Variants in HNRNPL observed in about 807,000 individuals in gnomAD.
HNRNPL encodes the protein heterogeneous nuclear ribonucleoprotein L.
HNRNPL carries 12 observed loss-of-function variants against 64.0 expected under a neutral mutation model. The ratio of observed to expected loss-of-function variants is 0.19; its 90% confidence interval spans 0.12 to 0.30. The LOEUF (loss-of-function observed/expected upper bound fraction) is 0.30, where lower values mean the gene tolerates loss of function less well. Ranked by LOEUF, HNRNPL falls within the 10% of genes least tolerant of loss-of-function variation. HNRNPL has a pLI of 1.00. For missense variants in HNRNPL, 484 were observed against 797.4 expected, an observed-to-expected ratio of 0.61 and a Z score of 4.73; for synonymous variants, 385 against 313.0, an observed-to-expected ratio of 1.23 and a Z score of -2.43.
Position 38,836,690 on chromosome 19 carries a change from C to T in HNRNPL, c.*32G>A. Reference sequence around the variant, plus strand: ...GCATAAAGGAAAGAGAAATGTCTTCCTGCTCAGATGGGACTCTTCCTAGGC... The same window carrying T: ...GCATAAAGGAAAGAGAAATGTCTTCTTGCTCAGATGGGACTCTTCCTAGGC... On this transcript the variant is annotated 3_prime_UTR_variant, in exon 13 of 13. Coordinates refer to ENST00000221419, the MANE Select transcript of HNRNPL (RefSeq NM_001533.3). 6.8e-7 allele frequency: 1 copy of T among 1,480,050 alleles called. No homozygotes were observed. Among genetic ancestry groups the T allele is most frequent in the Non-Finnish European group, 9.2e-7 (1 of 1,081,662 alleles). The allele number at this position is 1,480,050 out of a possible 1,614,324, so 91.7% of individuals were successfully genotyped here. A position where few individuals can be genotyped will look rare whatever the true frequency, so the allele number is the denominator to read the frequency against.
At chr19:38,838,806 C>CG (rs1568367371) in intron 9 of HNRNPL, 88 bp downstream of exon 9, 1 of 1,545,014 alleles carries the variant, frequency 6.5e-7, no homozygotes, top group African/African-American at 1.4e-5. Flanking sequence ...GTCAACACCT[C>CG]GGCCTCACTG....
At position 38,840,468 on chromosome 19, in the gene HNRNPL, G is replaced by A. The variant is rs774659308; in HGVS notation, c.952+20C>T. 1.1e-5 allele frequency: 17 copies of A among 1,580,892 alleles called. No homozygotes were observed. The highest frequency in any genetic ancestry group is 1.9e-5 in the Admixed American group (1 of 51,570). On this transcript the variant is annotated intron_variant, in intron 7 of 12. Coordinates refer to ENST00000221419, the MANE Select transcript of HNRNPL (RefSeq NM_001533.3). ...CACATGAGCCACGGGAGTCCACGGAGGGGAACCCCCTGCCCTCACCATATT... is the reference window on the plus strand; with the variant it reads ...CACATGAGCCACGGGAGTCCACGGAAGGGAACCCCCTGCCCTCACCATATT...
chr19:38,849,601 C>T (rs1036155396), intron 1 of HNRNPL, 99 bp downstream of exon 1: 4 of 1,277,432 alleles, frequency 3.1e-6, no homozygotes, highest in African/African-American at 1.5e-5. Flanking sequence ...ATGGCCTGGG[C>T]GCGTGCGCAG....
At chr19:38,843,775 T>G (rs1000523865) in intron 6 of HNRNPL, 67 bp downstream of exon 6, 2 of 1,323,778 alleles carry the variant, frequency 1.5e-6, no homozygotes, top group Non-Finnish European at 2.2e-6. Context: ...AGCCCAGGCC[T>G]ATTAAGTGCA....
chr19:38,847,210 A>G, intron 2 of HNRNPL, 106 bp downstream of exon 2: 1 of 552,662 alleles, frequency 1.8e-6, no homozygotes, highest in Non-Finnish European at 3.2e-6. Context: ...CAGAATCTAG[A>G]CCAGGATGGC....
At chr19:38,846,128 A>AAT (rs772096256) in intron 2 of HNRNPL, 38 bp from the exon 3 acceptor site, 1 of 1,455,570 alleles carries the variant, frequency 6.9e-7, no homozygotes, top group East Asian at 2.3e-5. Context: ...CTCTCAGGAA[A>AAT]ATGTAGACAG....
At chr19:38,848,268 T>A (rs1450083799) in intron 1 of HNRNPL, among the ~76,000 whole-genome samples, 1 of 152,056 alleles carries the variant, frequency 6.6e-6, no homozygotes, top group Non-Finnish European at 1.5e-5. Context: ...TTTTTTTGTA[T>A]TTTTAGTAGA....
chr19:38,847,039 A>G (rs1972320664), intron 2 of HNRNPL, among the ~76,000 whole-genome samples: 1 of 152,138 alleles, frequency 6.6e-6, no homozygotes, highest in African/African-American at 2.4e-5. Flanking sequence ...GCACCACTAC[A>G]CTCCAGCCTG....
intron 1 of HNRNPL, chr19:38,847,646 C>T: frequency 8.9e-6 from 3 of 337,668 alleles, no homozygotes; most frequent in Non-Finnish European, 1.6e-5. Context: ...GATCACTTGC[C>T]CACTGGCTCT....
At chr19:38,839,241 A>C (rs1972030007) in intron 8 of HNRNPL, 1 of 532,700 alleles carries the variant, frequency 1.9e-6, no homozygotes, top group South Asian at 2.1e-5. Context: ...CCAGTAAATC[A>C]TTTAGTGAAG....
At chr19:38,837,136 C>T in intron 12 of HNRNPL, 3 of 566,688 alleles carry the variant, frequency 5.3e-6, no homozygotes, top group Non-Finnish European at 9.4e-6. Flanking sequence ...GAAGAGAATG[C>T]CACCTCCCTG....
rs141268532 is a variant in HNRNPL at position 38,839,296 on chromosome 19, T to C, written c.1234-281A>G. 1.7e-3 allele frequency: 690 copies of C among 413,982 alleles called. 3 individuals carry two copies. The highest frequency in any genetic ancestry group is 0.013 in the African/African-American group (641 of 49,630). 25.6% of individuals were successfully genotyped at this position (413,982 alleles called of 1,614,324 possible). ...GGAATCAGAAATCAAATCAGCCATT[T>C]TCACCATTTTGTCTGTTACACACAG... On this transcript the variant is annotated intron_variant, in intron 8 of 12. Coordinates refer to ENST00000221419, the MANE Select transcript of HNRNPL (RefSeq NM_001533.3).
At chr19:38,840,873 G>C in intron 6 of HNRNPL, 1 of 395,116 alleles carries the variant, frequency 2.5e-6, no homozygotes, top group South Asian at 3.5e-5. Flanking sequence ...TCTGGGGAAT[G>C]TGCAGCTGCT....
chr19:38,836,663 T>C lies in HNRNPL; in HGVS notation c.*59A>G. ...TTTTGCAAATAACAAAAACAAAAAA[T>C]GGCATAAAGGAAAGAGAAATGTCTT... On this transcript the variant is annotated 3_prime_UTR_variant, in exon 13 of 13. Coordinates refer to ENST00000221419, the MANE Select transcript of HNRNPL (RefSeq NM_001533.3). 1.0e-6 allele frequency: 1 copy of C among 984,090 alleles called. No homozygotes were observed. The highest frequency in any genetic ancestry group is 1.5e-6 in the Non-Finnish European group (1 of 685,284). 61.0% of individuals were successfully genotyped at this position (984,090 alleles called of 1,614,324 possible).
chr19:38,839,220 GACA>G, intron 8 of HNRNPL: 1 of 575,330 alleles, frequency 1.7e-6, no homozygotes, highest in South Asian at 2.0e-5. Flanking sequence ...TTAACTGTGG[GACA>G]TAACCCACCA....
At chr19:38,848,133 C>G (rs1972363512) in intron 1 of HNRNPL, among the ~76,000 whole-genome samples, 1 of 152,222 alleles carries the variant, frequency 6.6e-6, no homozygotes, top group Admixed American at 6.5e-5. Flanking sequence ...CTCTGTCACC[C>G]AGGCTGGAGT....
chr19:38,850,214 TA>T (rs1423024074), upstream of HNRNPL: 5 of 405,714 alleles, frequency 1.2e-5, no homozygotes, highest in Non-Finnish European at 2.2e-5. Context: ...CGCCTTAAAA[TA>T]AAATCCAATT....
intron 1 of HNRNPL, chr19:38,849,339 G>A: frequency 4.5e-6 from 1 of 220,982 alleles, no homozygotes; most frequent in Non-Finnish European, 8.9e-6. Context: ...ACGAGGCCGG[G>A]CGGGAACACT....
At chr19:38,842,828 CG>C (rs1239909478) in intron 6 of HNRNPL, among the ~76,000 whole-genome samples, 5 of 152,290 alleles carry the variant, frequency 3.3e-5, no homozygotes, top group Admixed American at 1.3e-4. Flanking sequence ...TAGCCCCTGC[CG>C]GTCTGCACAT....
Sources: gnomAD v4.1 joint callset for allele counts (sites outside exome capture counted in the v4.1 genomes callset) on GRCh38, gnomAD v4.1.1 for gene constraint, MANE v1.5 for transcripts, NCBI Gene and HGNC (gene_info 2026-07-23, HGNC 2026-07-21) for gene names.